Variants in ANKHD1 observed in about 807,000 individuals in gnomAD.
The protein encoded by ANKHD1 is ankyrin repeat and KH domain containing 1, also known as ankyrin repeat and KH domain-containing protein 1.
ANKHD1 carries 31 observed loss-of-function variants against 230.5 expected under a neutral mutation model. That is an observed-to-expected ratio of 0.13 (90% CI 0.10 to 0.18). The LOEUF is 0.18. Ranked by LOEUF, ANKHD1 falls within the 10% of genes least tolerant of loss-of-function variation. The pLI is 1.00. For synonymous variants in ANKHD1, 1,074 were observed against 1,117.6 expected (o/e 0.96, Z 0.78); for missense variants, 2,256 against 3,071.3 (o/e 0.73, Z 6.27).
At chr5:140,538,372 CT>C (rs1053175993) in intron 32 of ANKHD1, 111 bp downstream of exon 32, 3 of 1,507,010 alleles carry the variant, frequency 2.0e-6, no homozygotes, top group Non-Finnish European at 2.7e-6. Context: ...TGTGGCTTTG[CT>C]AGATCTTTTG....
Position 140,535,430 on chromosome 5 carries a change from G to A in ANKHD1, c.6919G>A (p.Gly2307Ser), listed in dbSNP as rs574349676. The change falls in exon 30 of 34, where the codon GGC becomes AGC. Residue 2307 changes from glycine to serine, a missense_variant. This residue lies in a region of ANKHD1 where 778 missense variants were observed against 966.5 expected (regional missense o/e 0.80). Transcript: ENST00000360839. ...SSSAPLASFS[G>S]IPGTRVFLQG... Reference sequence around the variant, plus strand: ...TTCTGCTCCTCTGGCAAGTTTTTCCGGCATACCAGGAACAAGGGTTTTCCT... The same window carrying A: ...TTCTGCTCCTCTGGCAAGTTTTTCCAGCATACCAGGAACAAGGGTTTTCCT... The A allele has an allele frequency of 1.4e-4, 223 of 1,613,494 alleles. No homozygotes were observed. The South Asian group carries it at 2.0e-3, about 15-fold the overall frequency.
At chr5:140,504,059 C>G (rs1752434732) in intron 15 of ANKHD1, among the ~76,000 whole-genome samples, 1 of 151,896 alleles carries the variant, frequency 6.6e-6, no homozygotes. Flanking sequence ...TCCCCTCCCC[C>G]ACCCTTTTTT....
intron 15 of ANKHD1, among the ~76,000 whole-genome samples, chr5:140,501,811 A>G (rs1259234809): frequency 6.6e-6 from 1 of 152,134 alleles, no homozygotes; most frequent in East Asian, 1.9e-4. Flanking sequence ...TTTAATAATT[A>G]GATTTATTAT....
intron 1 of ANKHD1, among the ~76,000 whole-genome samples, chr5:140,423,497 C>T (rs1046426645): frequency 6.6e-6 from 1 of 152,146 alleles, no homozygotes; most frequent in Admixed American, 6.5e-5. Context: ...ATAAGATTGT[C>T]TTGTGCTTAT....
At chr5:140,509,971 C>T (rs1393508061) in intron 21 of ANKHD1, 48 bp from the exon 22 acceptor site, 2 of 1,554,832 alleles carry the variant, frequency 1.3e-6, no homozygotes, top group Non-Finnish European at 8.7e-7. Flanking sequence ...CTAGAAAAAG[C>T]CAGCCTCTTC....
In ANKHD1 at chr5:140,506,954, T is replaced by A; in HGVS notation, c.3528T>A (p.Asn1176Lys). The A allele has an allele frequency of 6.2e-7, 1 of 1,613,948 alleles. No individual in the cohort carries two copies. Residue 1176 changes from asparagine (N) to lysine (K), a missense_variant, in exon 19 of 34, where the codon AAT becomes AAA. Asn to Lys is a moderately conservative substitution (Grantham distance 94, BLOSUM62 0). This residue lies in a region of ANKHD1 where 15 missense variants were observed against 63.7 expected (regional missense o/e 0.24). Transcript: ENST00000360839. The surrounding 1 kb of genome is among the most constrained non-coding windows in gnomAD (Gnocchi z 4.7). Reference protein sequence around the residue: ...GYVNIIKILLNAGAEINSRTG... With the variant: ...GYVNIIKILLKAGAEINSRTG... ...TTAATATCATTAAGATTCTGCTTAA[T>A]GCTGGGGCAGAAATTAATTCAAGGT...
At chr5:140,478,955 A>T (rs1362315651) in intron 10 of ANKHD1, among the ~76,000 whole-genome samples, 10 of 148,014 alleles carry the variant, frequency 6.8e-5, no homozygotes, top group East Asian at 4.1e-4. Flanking sequence ...AGAAATAGAT[A>T]CTTTCTTTCT....
intron 10 of ANKHD1, among the ~76,000 whole-genome samples, chr5:140,481,958 A>T (rs999776608): frequency 6.6e-6 from 1 of 152,062 alleles, no homozygotes; most frequent in Non-Finnish European, 1.5e-5. Context: ...TGAGGCATGC[A>T]TGGTTAAAAA....
chr5:140,496,438 GTTTTCTTTTTTTTTTTTCTTTTCTTTTT>G, intron 14 of ANKHD1, 54 bp from the exon 15 acceptor site: 2 of 1,159,168 alleles, frequency 1.7e-6, no homozygotes, highest in East Asian at 2.8e-5. Flanking sequence ...GGGGAGGCTG[GTTTTCTTTTTTTTTTTTCTTTTCTTTTT>G]TTTTTTTTTT....
intron 10 of ANKHD1, among the ~76,000 whole-genome samples, chr5:140,470,634 T>C (rs1191724935): frequency 7.0e-6 from 1 of 143,200 alleles, no homozygotes; most frequent in Non-Finnish European, 1.5e-5. Flanking sequence ...TTTTTTTTTT[T>C]CTTAAAAGGG....
At chr5:140,510,777 A>T (rs1306992438) in intron 22 of ANKHD1, among the ~76,000 whole-genome samples, 3 of 152,142 alleles carry the variant, frequency 2.0e-5, no homozygotes, top group Non-Finnish European at 4.4e-5. Flanking sequence ...AGGAACAAAA[A>T]GGAGTAGACT....
At chr5:140,429,049 G>C (rs896231062) in intron 1 of ANKHD1, among the ~76,000 whole-genome samples, 1 of 150,112 alleles carries the variant, frequency 6.7e-6, no homozygotes, top group Admixed American at 6.7e-5. Context: ...GCCTCCCAAA[G>C]TGCTGGGATT....
intron 2 of ANKHD1, among the ~76,000 whole-genome samples, chr5:140,438,185 C>A (rs187797903): frequency 2.1e-4 from 32 of 152,122 alleles, no homozygotes; most frequent in African/African-American, 7.5e-4. Context: ...GATAGACAGC[C>A]TCATATGAAG....
chr5:140,513,280 T>C, intron 23 of ANKHD1, 83 bp from the exon 24 acceptor site: 1 of 1,366,970 alleles, frequency 7.3e-7, no homozygotes, highest in South Asian at 1.5e-5. Context: ...AACTTTAACC[T>C]CTGGACTTTA....
intron 24 of ANKHD1, among the ~76,000 whole-genome samples, chr5:140,515,714 A>G (rs1229218525): frequency 6.6e-6 from 1 of 152,208 alleles, no homozygotes; most frequent in Non-Finnish European, 1.5e-5. Context: ...CGGGTACTTC[A>G]ACAGACCTGC....
chr5:140,415,211 A>G lies in ANKHD1; in HGVS notation c.306+12938A>G, dbSNP rs759116923. ...AGCCTGACCAACATGGTGAAATCCCATCTCTACTAAAAAATACAAAAATTA... is the reference window on the plus strand; with the variant it reads ...AGCCTGACCAACATGGTGAAATCCCGTCTCTACTAAAAAATACAAAAATTA... On this transcript the variant is annotated intron_variant, in intron 1 of 33. Coordinates refer to ENST00000360839, the MANE Select transcript of ANKHD1 (RefSeq NM_017747.3). Among the ~76,000 whole-genome samples, 132 of 151,374 alleles carry G rather than the reference A, an allele frequency of 8.7e-4. No homozygotes were observed. In the Middle Eastern group the frequency reaches 0.014, roughly 16 times the overall value.
intron 10 of ANKHD1, among the ~76,000 whole-genome samples, chr5:140,469,313 G>A (rs1184847759): frequency 1.4e-5 from 2 of 147,064 alleles, no homozygotes; most frequent in Non-Finnish European, 3.0e-5. Flanking sequence ...ACCAGCCTGG[G>A]CAACGTGGTG....
chr5:140,479,099 T>G (rs1003985737), intron 10 of ANKHD1, among the ~76,000 whole-genome samples: 2 of 151,232 alleles, frequency 1.3e-5, no homozygotes, highest in African/African-American at 4.9e-5. Context: ...TCTGGGTTCA[T>G]GCCATTCTCC....
chr5:140,539,351 C>G lies in ANKHD1; in HGVS notation c.7570-8C>G. 6.2e-7 allele frequency: 1 copy of G among 1,612,840 alleles called. No individual in the cohort carries two copies. The highest frequency in any genetic ancestry group is 8.5e-7 in the Non-Finnish European group (1 of 1,179,594). ...TTAGAAATTCCAATTTTTCCTCCCC[C>G]TTTTCAGATTTGGCCTGGCACGTGG... is the stretch of plus-strand genomic sequence containing the variant. On this transcript the variant is annotated splice_polypyrimidine_tract_variant and splice_region_variant and intron_variant, in intron 33 of 33. Coordinates refer to ENST00000360839, the MANE Select transcript of ANKHD1 (RefSeq NM_017747.3).
Sources: allele counts gnomAD v4.1 joint callset (sites outside exome capture counted in the v4.1 genomes callset), GRCh38; gene constraint gnomAD v4.1.1; regional missense constraint gnomAD v4.1.1; non-coding constraint Gnocchi (gnomAD v3.1); transcripts MANE v1.5; gene names NCBI Gene and HGNC (gene_info 2026-07-23, HGNC 2026-07-21).